The following EPHB2 variants were observed in gnomAD, a reference collection of about 807,000 sequenced individuals.
EPHB2 encodes the protein ephrin type-B receptor 2.
A neutral mutation model predicts 96.4 loss-of-function variants in EPHB2; 18 were observed. The observed-to-expected ratio is 0.19, with a 90% confidence interval of 0.13 to 0.28. The LOEUF (loss-of-function observed/expected upper bound fraction) is 0.28. EPHB2 is among the 10% of genes least tolerant of loss of function. The pLI, the probability that EPHB2 is intolerant of heterozygous loss-of-function variation, is 1.00. For missense variants in EPHB2, 989 were observed against 1,355.4 expected (o/e 0.73, Z 4.25); for synonymous variants, 506 against 534.1 (o/e 0.95, Z 0.72).
intron 9 of EPHB2, among the ~76,000 whole-genome samples, chr1:22,901,811 G>A (rs796232685): frequency 7.9e-6 from 1 of 127,200 alleles, no homozygotes; most frequent in Non-Finnish European, 1.6e-5. Flanking sequence ...CTTCGTGTGT[G>A]TGTGTGTGAG....
At position 22,846,640 on chromosome 1, in the gene EPHB2, A is replaced by T. The variant is rs1645547821; in HGVS notation, c.812-16397A>T. 6.6e-6 allele frequency among the ~76,000 whole-genome samples: 1 copy of T among 152,160 alleles called. No homozygotes were observed. The highest frequency in any genetic ancestry group is 2.4e-5 in the African/African-American group (1 of 41,436). The stretch of plus-strand genomic sequence containing the variant: ...TCTGCAACCATAGACTCTGGGTTCC[A>T]GCTGCCTCAAACGAGCAGCAGGTCC... On this transcript the variant is annotated intron_variant, in intron 3 of 15. Coordinates refer to ENST00000374630, the MANE Select transcript of EPHB2 (RefSeq NM_017449.5). This position sits in a 1 kb window ranked among gnomAD's most constrained non-coding sequence, Gnocchi z 4.3.
intron 1 of EPHB2, among the ~76,000 whole-genome samples, chr1:22,718,546 C>T (rs1643352628): frequency 6.6e-6 from 1 of 151,846 alleles, no homozygotes; most frequent in African/African-American, 2.4e-5. Flanking sequence ...GCCACCATGC[C>T]CGGCTAATTT....
intron 1 of EPHB2, among the ~76,000 whole-genome samples, chr1:22,780,964 G>C (rs1201915246): frequency 1.3e-5 from 2 of 152,046 alleles, no homozygotes; most frequent in Admixed American, 6.5e-5. Flanking sequence ...TGGAGAGTTA[G>C]AGTCAGATGA....
At chr1:22,802,140 C>A (rs1644853054) in intron 3 of EPHB2, among the ~76,000 whole-genome samples, 1 of 152,008 alleles carries the variant, frequency 6.6e-6, no homozygotes, top group East Asian at 1.9e-4. Context: ...AGTGTTGAAT[C>A]CAGCTTGGGG....
intron 3 of EPHB2, among the ~76,000 whole-genome samples, chr1:22,806,889 C>T (rs1644934923): frequency 6.6e-6 from 1 of 152,104 alleles, no homozygotes; most frequent in African/African-American, 2.4e-5. Flanking sequence ...TGGGCCCCCC[C>T]TCGTCACCAC....
Position 22,719,957 on chromosome 1 carries a change from C to T in EPHB2, c.61+8914C>T, listed in dbSNP as rs1251802039. On this transcript the variant is annotated intron_variant, in intron 1 of 15. Coordinates refer to ENST00000374630, the MANE Select transcript of EPHB2 (RefSeq NM_017449.5). ...TCAGCTGGGTGCTTATTCTGTTCCC[C>T]GGGTTGTCAGTTGGGATCACTCAGG... 9.9e-5 allele frequency among the ~76,000 whole-genome samples: 15 copies of T among 152,176 alleles called. No homozygotes were observed. The South Asian group carries it at 1.0e-3, about 11-fold the overall frequency.
chr1:22,788,748 T>TC (rs1644648039), intron 3 of EPHB2, among the ~76,000 whole-genome samples: 1 of 39,724 alleles, frequency 2.5e-5, no homozygotes, highest in South Asian at 7.9e-4. Context: ...TTGTCTTTTG[T>TC]TTTTGTTTTT....
intron 5 of EPHB2, among the ~76,000 whole-genome samples, chr1:22,868,182 C>G (rs1217260025): frequency 6.6e-6 from 1 of 152,112 alleles, no homozygotes; most frequent in Non-Finnish European, 1.5e-5. Context: ...ACCCTGCTGT[C>G]TGGAGCTGGA....
intron 3 of EPHB2, among the ~76,000 whole-genome samples, chr1:22,787,348 C>T (rs1333345475): frequency 6.6e-6 from 1 of 151,994 alleles, no homozygotes; most frequent in Admixed American, 6.6e-5. Flanking sequence ...ATTAGGGAGG[C>T]AGTTTTGGTA....
intron 3 of EPHB2, among the ~76,000 whole-genome samples, chr1:22,800,796 A>ACACACACACT (rs751937402): frequency 1.0e-5 from 1 of 95,504 alleles, no homozygotes; most frequent in African/African-American, 3.4e-5. Flanking sequence ...ACACACACAC[A>ACACACACACT]CTCTCTCTCT....
rs774277690 is a variant in EPHB2, at chr1:22,906,695, G to T, written c.1889-15G>T. On this transcript the variant is annotated splice_polypyrimidine_tract_variant and intron_variant, in intron 10 of 15. Transcript: ENST00000374630. The surrounding 1 kb of genome is among the most constrained non-coding windows in gnomAD (Gnocchi z 4.8). ...GGCAAGTGACATCCTGTCTGTCTTG[G>T]TGTTTCTCTCTCAGGGGAGTTTGGC... is the stretch of plus-strand genomic sequence containing the variant. 1.3e-5 allele frequency: 21 copies of T among 1,614,084 alleles called. No homozygotes were observed. In the Admixed American group the frequency reaches 3.2e-4, roughly 24 times the overall value.
chr1:22,909,637 C>T (rs542596870), intron 13 of EPHB2, among the ~76,000 whole-genome samples: 31 of 152,272 alleles, frequency 2.0e-4, no homozygotes, highest in African/African-American at 5.1e-4. Flanking sequence ...TTCGAAAGGT[C>T]GCAGGACATG....
At chr1:22,718,820 G>C (rs1166779413) in intron 1 of EPHB2, among the ~76,000 whole-genome samples, 3 of 152,140 alleles carry the variant, frequency 2.0e-5, no homozygotes, top group Non-Finnish European at 2.9e-5. Context: ...GCTCTGAGAG[G>C]AGTGACTGGC....
chr1:22,869,878 C>T (rs2148533878), intron 5 of EPHB2, among the ~76,000 whole-genome samples: 1 of 152,294 alleles, frequency 6.6e-6, no homozygotes, highest in African/African-American at 2.4e-5. Flanking sequence ...TGTTCGTCTC[C>T]CCCATCATCG....
At chr1:22,909,419 G>A (rs769804436) in intron 13 of EPHB2, among the ~76,000 whole-genome samples, 2 of 152,236 alleles carry the variant, frequency 1.3e-5, no homozygotes, top group African/African-American at 2.4e-5. Context: ...TCTTCAGGAC[G>A]CATGCACCTG....
rs1272418120 is a variant in EPHB2, at chr1:22,734,274, T to C, written c.61+23231T>C. On this transcript the variant is annotated intron_variant, in intron 1 of 15. Coordinates refer to ENST00000374630, the MANE Select transcript of EPHB2 (RefSeq NM_017449.5). ...CAGCCCATGCACAGCCCAGTGTGGT[T>C]CACAGCATCCTTTCCCCTCCACAGT... is the stretch of plus-strand genomic sequence containing the variant. Among the ~76,000 whole-genome samples, 4 of 152,274 alleles carry C rather than the reference T, an allele frequency of 2.6e-5. No individual in the cohort carries two copies. In the East Asian group the frequency reaches 7.7e-4, roughly 29 times the overall value.
intron 1 of EPHB2, among the ~76,000 whole-genome samples, chr1:22,758,137 C>T (rs1450057224): frequency 2.8e-5 from 4 of 145,042 alleles, no homozygotes; most frequent in African/African-American, 1.0e-4. Context: ...CCAGGATGGT[C>T]TCAATCTCCT....
At chr1:22,726,931 C>A (rs1643594602) in intron 1 of EPHB2, among the ~76,000 whole-genome samples, 1 of 152,102 alleles carries the variant, frequency 6.6e-6, no homozygotes. Context: ...GAAGGGCATT[C>A]TTAGCAGGGG....
chr1:22,810,647 A>G (rs566109265), intron 3 of EPHB2, among the ~76,000 whole-genome samples: 1 of 152,204 alleles, frequency 6.6e-6, no homozygotes, highest in Admixed American at 6.5e-5. Context: ...GGGTGCAGGG[A>G]CTTCCCATGA....
Sources: allele counts gnomAD v4.1 joint callset (sites outside exome capture counted in the v4.1 genomes callset), GRCh38; gene constraint gnomAD v4.1.1; non-coding constraint Gnocchi (gnomAD v3.1); transcripts MANE v1.5; gene names NCBI Gene and HGNC (gene_info 2026-07-23, HGNC 2026-07-21).